The following ITSN2 variants were observed in gnomAD, a reference collection of about 807,000 sequenced individuals.
The protein encoded by ITSN2 is intersectin-2.
ITSN2 carries 156 observed loss-of-function variants against 243.7 expected under a neutral mutation model. The observed-to-expected ratio is 0.64, with a 90% CI of 0.56 to 0.73. The LOEUF (loss-of-function observed/expected upper bound fraction) is 0.73. Ranked by LOEUF, ITSN2 falls within the 30% of genes least tolerant of loss-of-function variation. The pLI, the probability that ITSN2 is intolerant of heterozygous loss-of-function variation, is 0.00. For missense variants in ITSN2, 1,801 were observed against 1,996.1 expected (o/e 0.90, Z 1.86); for synonymous variants, 703 against 699.9 (o/e 1.00, Z -0.07).
intron 1 of ITSN2, among the ~76,000 whole-genome samples, chr2:24,329,260 TTG>T (rs1491028519): frequency 1.3e-5 from 2 of 151,694 alleles, no homozygotes; most frequent in Non-Finnish European, 2.9e-5. Flanking sequence ...GTTTTTTTTT[TTG>T]TTTGTTTTGT....
At chr2:24,286,070 G>C in intron 16 of ITSN2, 142 bp downstream of exon 16, 2 of 577,066 alleles carry the variant, frequency 3.5e-6, no homozygotes, top group South Asian at 2.6e-5. Flanking sequence ...AAACAATCTT[G>C]AAATTCTTGT....
chr2:24,298,670 C>T lies in ITSN2; in HGVS notation c.1489G>A (p.Ala497Thr), dbSNP rs1681312117. The T allele has an allele frequency of 6.3e-7, 1 of 1,599,328 alleles. No homozygotes were observed. Among genetic ancestry groups the T allele is most frequent in the Non-Finnish European group, 8.5e-7 (1 of 1,175,884 alleles). Reference protein sequence around the residue: ...KKKNLHLELEALNGKHQQISG... With the variant: ...KKKNLHLELETLNGKHQQISG... The stretch of plus-strand genomic sequence containing the variant: ...CACTTAAACTTCAGCCATACCAGTG[C>T]TTCCAACTCAAGATGAAGATTCTTC... Residue 497 changes from alanine to threonine, a missense_variant, in exon 13 of 40, where the codon GCA becomes ACA. By Grantham distance (58) the Ala-to-Thr change is moderately conservative. Transcript: ENST00000355123.
rs1264219372 is a variant in ITSN2, at chr2:24,295,935, T to TA, written c.1495-132dup. On this transcript the variant is annotated intron_variant, in intron 13 of 39. Transcript: ENST00000355123. ...TCATATTCATCCTGAAACAAATGCC[T>TA]AAAACCAAGTGGAATGTGTTTCAGA... 1.2e-5 allele frequency: 7 copies of TA among 597,140 alleles called. No individual in the cohort carries two copies. In the South Asian group the frequency reaches 1.9e-4, roughly 17 times the overall value. The allele number at this position is 597,140 out of a possible 1,614,324, so 37.0% of individuals were successfully genotyped here.
intron 20 of ITSN2, among the ~76,000 whole-genome samples, chr2:24,263,031 T>C (rs1449869765): frequency 6.6e-6 from 1 of 152,192 alleles, no homozygotes; most frequent in Non-Finnish European, 1.5e-5. Context: ...TTATGATTTT[T>C]ACTCATCCTT....
intron 17 of ITSN2, 70 bp from the exon 18 acceptor site, chr2:24,275,919 C>T (rs1462485801): frequency 9.0e-7 from 1 of 1,110,968 alleles, no homozygotes; most frequent in Non-Finnish European, 1.3e-6. Context: ...ATTAATGTGG[C>T]ATTTGCATTA....
At chr2:24,259,760 G>GGAGA (rs1675562846) in intron 22 of ITSN2, among the ~76,000 whole-genome samples, 1 of 152,118 alleles carries the variant, frequency 6.6e-6, no homozygotes, top group African/African-American at 2.4e-5. Flanking sequence ...TGCCCTTTGT[G>GGAGA]AAGGCTGCTC....
rs1275035112 is a variant in ITSN2 at position 24,251,309 on chromosome 2, C to CAAAAAAAAAATAAAAAAAAAAAAAAA, written c.3120+1035_3120+1036insTTTTTTTTTTTTTTTATTTTTTTTTT. 1.8e-4 allele frequency among the ~76,000 whole-genome samples: 4 copies of CAAAAAAAAAATAAAAAAAAAAAAAAA among 22,012 alleles called. 2 individuals are homozygous for CAAAAAAAAAATAAAAAAAAAAAAAAA. The highest frequency in any genetic ancestry group is 3.2e-3 in the South Asian group (2 of 624). 14.4% of individuals were successfully genotyped at this position (22,012 alleles called of 152,430 possible). On this transcript the variant is annotated intron_variant, in intron 25 of 39. Transcript: ENST00000355123. ...TGGGCAACAGAACTAAACTCCATCT[C>CAAAAAAAAAATAAAAAAAAAAAAAAA]AAAAAAAAAAAAAAATAAAATATAT...
chr2:24,290,576 CTG>C (rs1680116281), intron 15 of ITSN2, among the ~76,000 whole-genome samples: 1 of 151,998 alleles, frequency 6.6e-6, no homozygotes, highest in Non-Finnish European at 1.5e-5. Context: ...AAATATTTTC[CTG>C]TTTTATAATA....
intron 2 of ITSN2, among the ~76,000 whole-genome samples, chr2:24,323,135 T>C (rs561848580): frequency 1.3e-5 from 2 of 152,264 alleles, no homozygotes; most frequent in South Asian, 4.1e-4. Flanking sequence ...ACAGTCACTT[T>C]GGAAAACAGT....
At chr2:24,332,928 T>A (rs933289052) in intron 1 of ITSN2, among the ~76,000 whole-genome samples, 2 of 152,198 alleles carry the variant, frequency 1.3e-5, no homozygotes, top group Admixed American at 1.3e-4. Context: ...AATCCAATGT[T>A]TCAGGTTCTG....
At chr2:24,247,726 A>G (rs762143748) in intron 27 of ITSN2, among the ~76,000 whole-genome samples, 30 of 152,200 alleles carry the variant, frequency 2.0e-4, no homozygotes, top group Non-Finnish European at 3.4e-4. Flanking sequence ...TATATTCTAA[A>G]AAGACATTTC....
chr2:24,220,214 T>G (rs1670315384), intron 30 of ITSN2: 1 of 465,688 alleles, frequency 2.1e-6, no homozygotes, highest in Non-Finnish European at 2.8e-6. Flanking sequence ...GTTGGGTGTG[T>G]GGGGGTAGGG....
At chr2:24,207,841 C>T (rs912251684) in intron 37 of ITSN2, among the ~76,000 whole-genome samples, 14 of 151,726 alleles carry the variant, frequency 9.2e-5, no homozygotes, top group African/African-American at 3.4e-4. Flanking sequence ...GGGTGGATGG[C>T]AGGCCCTAGA....
At chr2:24,274,113 AG>A (rs1677717973) in intron 18 of ITSN2, among the ~76,000 whole-genome samples, 2 of 152,246 alleles carry the variant, frequency 1.3e-5, no homozygotes, top group African/African-American at 4.8e-5. Flanking sequence ...GTCAATAGAA[AG>A]TTCTGACATA....
chr2:24,242,881 C>G (rs969050683), intron 29 of ITSN2, among the ~76,000 whole-genome samples: 1 of 152,116 alleles, frequency 6.6e-6, no homozygotes. Context: ...AAAAAACCCA[C>G]ATATACCCGC....
intron 13 of ITSN2, among the ~76,000 whole-genome samples, chr2:24,296,652 A>G (rs866486663): frequency 2.6e-5 from 4 of 152,188 alleles, no homozygotes. Context: ...CAAGAAACTA[A>G]GCCTAACTAA....
chr2:24,358,154 C>T (rs998774781), intron 1 of ITSN2, among the ~76,000 whole-genome samples: 1 of 152,192 alleles, frequency 6.6e-6, no homozygotes, highest in South Asian at 2.1e-4. Flanking sequence ...GGTGATCCGC[C>T]CTCCTCGGCC....
intron 1 of ITSN2, among the ~76,000 whole-genome samples, chr2:24,358,165 T>C (rs540606129): frequency 5.3e-5 from 8 of 152,302 alleles, no homozygotes; most frequent in Non-Finnish European, 1.0e-4. Context: ...CTCCTCGGCC[T>C]CCCAAAGTGC....
At chr2:24,289,441 T>C (rs6710085) in intron 15 of ITSN2, among the ~76,000 whole-genome samples, 21,527 of 152,236 alleles carry the variant, frequency 0.14, 2,279 homozygotes, top group African/African-American at 0.3. Context: ...CTGATTTTTG[T>C]ATGCTGATTT....
Sources: gnomAD v4.1 joint callset for allele counts (sites outside exome capture counted in the v4.1 genomes callset) on GRCh38, gnomAD v4.1.1 for gene constraint, MANE v1.5 for transcripts, NCBI Gene and HGNC (gene_info 2026-07-23, HGNC 2026-07-21) for gene names.